Variants in R3HDM1 observed in about 807,000 individuals in gnomAD.
R3HDM1 encodes the protein R3H domain-containing protein 1.
A neutral mutation model predicts 141.1 loss-of-function variants in R3HDM1; 46 were observed. That is an observed-to-expected ratio of 0.33 (90% confidence interval 0.26 to 0.42). The LOEUF is 0.42. Among genes scored for constraint, R3HDM1 ranks in the 10% least tolerant of loss-of-function variants. The probability of loss-of-function intolerance (pLI) is 1.00; values close to 1 mark genes in which losing one functional copy is unlikely to be tolerated. For missense variants in R3HDM1, 1,184 were observed against 1,368.3 expected, an observed-to-expected ratio of 0.87 and a Z score of 2.12; for synonymous variants, 435 against 472.9, an observed-to-expected ratio of 0.92 and a Z score of 1.04.
chr2:135,680,112 T>C, intron 20 of R3HDM1, 61 bp from the exon 21 acceptor site: 1 of 1,501,390 alleles, frequency 6.7e-7, no homozygotes, highest in Non-Finnish European at 9.1e-7. Flanking sequence ...GTTGAAAACA[T>C]AAACATTTAC....
At chr2:135,543,311 ATTTCGTTGATT>A (rs1698017209) in intron 1 of R3HDM1, among the ~76,000 whole-genome samples, 1 of 151,902 alleles carries the variant, frequency 6.6e-6, no homozygotes, top group South Asian at 2.1e-4. Flanking sequence ...TTTCAATTCT[ATTTCGTTGATT>A]TATATGTGTG....
At chr2:135,669,648 T>A in intron 19 of R3HDM1, 1 of 864,714 alleles carries the variant, frequency 1.2e-6, no homozygotes, top group Non-Finnish European at 1.4e-6. Context: ...TGTGCAGCTC[T>A]CAGCTACACA....
chr2:135,581,147 G>A (rs533103368), intron 1 of R3HDM1: 2 of 974,088 alleles, frequency 2.1e-6, no homozygotes, highest in East Asian at 1.1e-4. Flanking sequence ...CCAGTAAGAA[G>A]CCTCTTGGGG....
At chr2:135,572,528 AAC>A (rs1475974169) in intron 1 of R3HDM1, among the ~76,000 whole-genome samples, 2 of 152,194 alleles carry the variant, frequency 1.3e-5, no homozygotes, top group Admixed American at 1.3e-4. Flanking sequence ...ATAATAAAAC[AAC>A]ACACACAAGA....
intron 1 of R3HDM1, chr2:135,566,762 C>A: frequency 2.0e-6 from 2 of 985,212 alleles, no homozygotes; most frequent in Non-Finnish European, 2.4e-6. Context: ...AAACTGTAAG[C>A]CCAGCGCGGT....
chr2:135,693,652 T>A lies in R3HDM1; in HGVS notation c.2459+13328T>A, dbSNP rs140024138. On this transcript the variant is annotated intron_variant, in intron 21 of 26. Transcript: ENST00000683871. The stretch of plus-strand genomic sequence containing the variant: ...TATTATGGACAAAAGGTCATAGTAT[T>A]TATTCAAAAAGAGGAAAGATGTAAC... Among the ~76,000 whole-genome samples, 11 of 152,304 alleles carry A rather than the reference T, an allele frequency of 7.2e-5. No homozygotes were observed. The East Asian group carries it at 2.1e-3, about 29-fold the overall frequency.
intron 4 of R3HDM1, 63 bp from the exon 5 acceptor site, chr2:135,616,605 G>T: frequency 7.6e-7 from 1 of 1,317,270 alleles, no homozygotes; most frequent in Non-Finnish European, 1.1e-6. Context: ...CTCTTTCTAG[G>T]GGGCTTTTGG....
chr2:135,711,775 A>G (rs1472651861), intron 23 of R3HDM1, among the ~76,000 whole-genome samples: 5 of 152,100 alleles, frequency 3.3e-5, no homozygotes, highest in Middle Eastern at 3.4e-3. Context: ...CCTGGCCAAC[A>G]TGGAGAAACC....
chr2:135,684,538 A>T (rs2070999592), intron 21 of R3HDM1, among the ~76,000 whole-genome samples: 1 of 152,206 alleles, frequency 6.6e-6, no homozygotes, highest in South Asian at 2.1e-4. Flanking sequence ...AAAACAAATA[A>T]TGCTGTTAAT....
chr2:135,540,784 G>A (rs1306732791), intron 1 of R3HDM1, among the ~76,000 whole-genome samples: 1 of 152,120 alleles, frequency 6.6e-6, no homozygotes, highest in Non-Finnish European at 1.5e-5. Context: ...TTACCCAGTT[G>A]CATCAGAGGA....
chr2:135,580,419 T>C (rs1272017508), intron 1 of R3HDM1, among the ~76,000 whole-genome samples: 3 of 152,182 alleles, frequency 2.0e-5, no homozygotes, highest in Admixed American at 6.5e-5. Context: ...AAGAGATACT[T>C]GTATTTATTA....
chr2:135,546,551 C>T (rs1243587462), intron 1 of R3HDM1, among the ~76,000 whole-genome samples: 3 of 152,162 alleles, frequency 2.0e-5, no homozygotes, highest in Non-Finnish European at 2.9e-5. Flanking sequence ...CCTTCTTAGG[C>T]TTATCAGGTT....
chr2:135,709,275 G>A (rs1032080105), intron 21 of R3HDM1, among the ~76,000 whole-genome samples, 158 bp from the exon 22 acceptor site: 5 of 152,150 alleles, frequency 3.3e-5, no homozygotes, highest in Admixed American at 2.0e-4. Context: ...GGGTTTCACC[G>A]TATTAGCCAG....
At chr2:135,721,889 C>G (rs1170532289) in intron 24 of R3HDM1, 35 bp from the exon 25 acceptor site, 2 of 1,586,232 alleles carry the variant, frequency 1.3e-6, no homozygotes, top group East Asian at 4.5e-5. Context: ...TGCCCGGCCT[C>G]TGGCAATAAA....
intron 16 of R3HDM1, among the ~76,000 whole-genome samples, chr2:135,649,660 A>G (rs2064925094): frequency 6.6e-6 from 1 of 152,192 alleles, no homozygotes; most frequent in Non-Finnish European, 1.5e-5. Flanking sequence ...GAAATATTTT[A>G]TTGCAAAAAA....
intron 1 of R3HDM1, among the ~76,000 whole-genome samples, chr2:135,564,276 A>G (rs757205597): frequency 6.6e-6 from 1 of 152,216 alleles, no homozygotes; most frequent in African/African-American, 2.4e-5. Context: ...TGAAATGTGC[A>G]TTCTGCAAAT....
chr2:135,532,462 T>C (rs557614740), intron 1 of R3HDM1, among the ~76,000 whole-genome samples: 17 of 152,308 alleles, frequency 1.1e-4, no homozygotes, highest in African/African-American at 4.1e-4. Context: ...TCATGCTCCG[T>C]GTGTAATTGT....
intron 1 of R3HDM1, among the ~76,000 whole-genome samples, chr2:135,539,287 T>C (rs915425681): frequency 6.6e-6 from 1 of 152,216 alleles, no homozygotes; most frequent in African/African-American, 2.4e-5. Flanking sequence ...TATTACGTGC[T>C]GTACATATGT....
intron 1 of R3HDM1, among the ~76,000 whole-genome samples, chr2:135,596,338 T>C (rs1169932872): frequency 6.6e-6 from 1 of 152,190 alleles, no homozygotes; most frequent in African/African-American, 2.4e-5. Flanking sequence ...TATATCCACA[T>C]TTTTTGTTAT....
Sources: gnomAD v4.1 joint callset for allele counts (sites outside exome capture counted in the v4.1 genomes callset) on GRCh38, gnomAD v4.1.1 for gene constraint, MANE v1.5 for transcripts, NCBI Gene and HGNC (gene_info 2026-07-23, HGNC 2026-07-21) for gene names.